The following SLC28A1 variants were observed in gnomAD, a reference collection of about 807,000 sequenced individuals.
SLC28A1 encodes the protein solute carrier family 28 member 1.
Under a neutral mutation model 74.8 loss-of-function variants are expected in SLC28A1, and 64 were observed. The ratio of observed to expected loss-of-function variants is 0.86; its 90% CI spans 0.70 to 1.05. The LOEUF is 1.05. Among genes scored for constraint, SLC28A1 ranks in the 50% least tolerant of loss-of-function variants. The probability of loss-of-function intolerance (pLI) is 0.00; values close to 1 mark genes in which losing one functional copy is unlikely to be tolerated. For missense variants in SLC28A1, 828 were observed against 822.8 expected (o/e 1.01, Z -0.08); for synonymous variants, 359 against 335.0 (o/e 1.07, Z -0.78).
chr15:84,961,626 C>A, the SLC28A1 span: 1 of 386,688 alleles, frequency 2.6e-6, no homozygotes. Flanking sequence ...CAGGTATGAG[C>A]CACTTTGCCT....
At chr15:84,910,702 T>C (rs573507873) in intron 9 of SLC28A1, among the ~76,000 whole-genome samples, 1 of 152,272 alleles carries the variant, frequency 6.6e-6, no homozygotes, top group African/African-American at 2.4e-5. Flanking sequence ...CACTCCAGCC[T>C]GGGCAACAAG....
chr15:84,911,909 T>C (rs949140558), intron 9 of SLC28A1, among the ~76,000 whole-genome samples: 30 of 148,696 alleles, frequency 2.0e-4, no homozygotes, highest in African/African-American at 6.5e-4. Flanking sequence ...AATGTATCAG[T>C]GGTGGCAAAA....
the SLC28A1 span, among the ~76,000 whole-genome samples, chr15:84,952,274 C>T: frequency 2.2e-4 from 34 of 152,332 alleles, no homozygotes; most frequent in African/African-American, 7.5e-4. Flanking sequence ...CTCACACAGG[C>T]TGTGTGGCTA....
chr15:84,914,130 G>A (rs1968739209), intron 9 of SLC28A1, among the ~76,000 whole-genome samples: 2 of 151,924 alleles, frequency 1.3e-5, no homozygotes, highest in Non-Finnish European at 2.9e-5. Context: ...TTTGAATTTT[G>A]GTAGATACAG....
chr15:84,962,074 A>C, the SLC28A1 span, among the ~76,000 whole-genome samples: 4 of 151,680 alleles, frequency 2.6e-5, no homozygotes, highest in South Asian at 2.1e-4. Context: ...TTTTTTTTTA[A>C]ATTTCTTAAT....
intron 3 of SLC28A1, 107 bp from the exon 4 acceptor site, chr15:84,888,665 C>T (rs928176357): frequency 1.3e-6 from 1 of 750,776 alleles, no homozygotes. Flanking sequence ...TGCCCCAGCC[C>T]AGTCCCCTCC....
chr15:84,946,950 C>A (rs1310716181), downstream of SLC28A1, among the ~76,000 whole-genome samples: 1 of 152,216 alleles, frequency 6.6e-6, no homozygotes, highest in African/African-American at 2.4e-5. Flanking sequence ...TCACCCCTAC[C>A]TGCCAGGTCC....
At chr15:84,972,930 G>T in the SLC28A1 span, among the ~76,000 whole-genome samples, 1 of 152,166 alleles carries the variant, frequency 6.6e-6, no homozygotes, top group African/African-American at 2.4e-5. Context: ...AGGATGAATG[G>T]ACTCCTCCCA....
chr15:84,912,974 G>A (rs1355957152), intron 9 of SLC28A1, among the ~76,000 whole-genome samples: 1 of 152,126 alleles, frequency 6.6e-6, no homozygotes, highest in East Asian at 1.9e-4. Flanking sequence ...ATGGCTGAAA[G>A]AAGGGAGATG....
chr15:84,907,687 C>A (rs4843002), intron 8 of SLC28A1, among the ~76,000 whole-genome samples: 72,948 of 151,866 alleles, frequency 0.48, 18,124 homozygotes, highest in African/African-American at 0.6. Flanking sequence ...TGTATTTTTA[C>A]CACTTTAAAA....
chr15:84,914,523 T>A (rs1297950411), intron 9 of SLC28A1, among the ~76,000 whole-genome samples: 2 of 152,186 alleles, frequency 1.3e-5, no homozygotes, highest in Admixed American at 6.5e-5. Context: ...TCTTTGCAGG[T>A]GTGTGACCTC....
chr15:84,904,204 C>G lies in SLC28A1; in HGVS notation c.569C>G (p.Ala190Gly), dbSNP rs202068367. Residue 190 changes from alanine (A) to glycine (G), a missense_variant, in exon 7 of 19, where the codon GCT becomes GGT. Ala to Gly is a moderately conservative substitution (Grantham distance 60). This residue lies in a region of SLC28A1 where 767 missense variants were observed against 753.5 expected (regional missense o/e 1.02). Transcript: ENST00000394573. ...VSFAGICVFV[A>G]LLFACSKHHC... Reference sequence around the variant, plus strand: ...TTCGCAGGAATCTGCGTGTTCGTCGCTCTCCTCTTTGCCTGCTCAAAGCAT... The same window carrying G: ...TTCGCAGGAATCTGCGTGTTCGTCGGTCTCCTCTTTGCCTGCTCAAAGCAT... 537 of 1,614,062 alleles carry G rather than the reference C, an allele frequency of 3.3e-4. No individual in the cohort carries two copies. Among genetic ancestry groups the G allele is most frequent in the Non-Finnish European group, 4.3e-4 (511 of 1,180,058 alleles).
the SLC28A1 span, among the ~76,000 whole-genome samples, chr15:84,962,011 A>G: frequency 2.0e-5 from 3 of 152,136 alleles, no homozygotes; most frequent in Non-Finnish European, 2.9e-5. Context: ...AGAGCATAAA[A>G]GCTATCGGAA....
rs1343501966 is a variant in SLC28A1, at chr15:84,905,601, C to T, written c.666C>T (p.Ile222=). 9.3e-6 allele frequency: 15 copies of T among 1,614,186 alleles called. No individual in the cohort carries two copies. Among genetic ancestry groups the T allele is most frequent in the Non-Finnish European group, 1.3e-5 (15 of 1,180,010 alleles). ...AGTTTGTACTTGGACTCCTCGTCAT[C>T]AGAACAGAACCAGGATTCATTGCGT... ...GLQFVLGLLV[I]RTEPGFIAFE... The change falls in exon 8 of 19, where the codon ATC becomes ATT. Residue 222 remains isoleucine (I), a synonymous_variant. Transcript: ENST00000394573.
At chr15:84,924,194 G>A (rs1970205908) in intron 12 of SLC28A1, 84 bp downstream of exon 12, 5 of 1,474,796 alleles carry the variant, frequency 3.4e-6, no homozygotes, top group South Asian at 2.3e-5. Flanking sequence ...CCTGGCCAGA[G>A]CAGCCCTCAG....
At chr15:84,904,656 C>T (rs938421311) in intron 7 of SLC28A1, among the ~76,000 whole-genome samples, 9 of 152,162 alleles carry the variant, frequency 5.9e-5, no homozygotes, top group Non-Finnish European at 1.0e-4. Flanking sequence ...CCAGCAACAG[C>T]GGCGCCTCCA....
intron 1 of SLC28A1, among the ~76,000 whole-genome samples, chr15:84,885,337 G>GCTT (rs1018329356): frequency 2.0e-5 from 3 of 151,688 alleles, no homozygotes; most frequent in African/African-American, 7.3e-5. Flanking sequence ...TCAACAGTGT[G>GCTT]CGGAACTCTG....
At chr15:84,907,632 A>G (rs1967439080) in intron 8 of SLC28A1, among the ~76,000 whole-genome samples, 1 of 151,900 alleles carries the variant, frequency 6.6e-6, no homozygotes, top group African/African-American at 2.4e-5. Flanking sequence ...CAGCCTCCCA[A>G]GTAGCTGGGA....
chr15:84,959,533 T>C, the SLC28A1 span, among the ~76,000 whole-genome samples: 2 of 152,258 alleles, frequency 1.3e-5, 1 homozygote, highest in South Asian at 4.1e-4. Flanking sequence ...TTTACCTCTC[T>C]TCTCTTATTG....
Sources: gnomAD v4.1 joint callset for allele counts (sites outside exome capture counted in the v4.1 genomes callset) on GRCh38, gnomAD v4.1.1 for gene constraint, gnomAD v4.1.1 regional missense constraint, MANE v1.5 for transcripts, NCBI Gene and HGNC (gene_info 2026-07-23, HGNC 2026-07-21) for gene names.